Variants in R3HCC1L observed in about 807,000 individuals in gnomAD.
The protein encoded by R3HCC1L is coiled-coil domain-containing protein R3HCC1L.
A neutral mutation model predicts 59.9 loss-of-function variants in R3HCC1L; 51 were observed. The observed-to-expected ratio is 0.85, with a 90% confidence interval of 0.68 to 1.07. The LOEUF (loss-of-function observed/expected upper bound fraction) is 1.07, where lower values mean the gene tolerates loss of function less well. Ranked by LOEUF, R3HCC1L falls within the 50% of genes least tolerant of loss-of-function variation. The probability of loss-of-function intolerance (pLI) is 0.00; values close to 1 mark genes in which losing one functional copy is unlikely to be tolerated. For synonymous variants in R3HCC1L, 322 were observed against 315.2 expected (o/e 1.02, Z -0.23); for missense variants, 965 against 933.0 (o/e 1.03, Z -0.45).
At chr10:98,214,680 A>T (rs1372158492) in intron 5 of R3HCC1L, among the ~76,000 whole-genome samples, 1 of 152,172 alleles carries the variant, frequency 6.6e-6, no homozygotes, top group Non-Finnish European at 1.5e-5. Context: ...TGTTTAATTA[A>T]AAGTACCCAT....
At chr10:98,200,071 T>C (rs1851874539) in intron 4 of R3HCC1L, among the ~76,000 whole-genome samples, 2 of 152,058 alleles carry the variant, frequency 1.3e-5, no homozygotes. Flanking sequence ...CCTTCTTTAG[T>C]TGTTGAGTGA....
intron 2 of R3HCC1L, among the ~76,000 whole-genome samples, chr10:98,162,358 C>T (rs1256655896): frequency 6.6e-6 from 1 of 152,136 alleles, no homozygotes; most frequent in Non-Finnish European, 1.5e-5. Context: ...ATAAAAGTTT[C>T]TGAAACATAT....
At chr10:98,243,611 T>G (rs750406072) in intron 9 of R3HCC1L, among the ~76,000 whole-genome samples, 18 of 152,344 alleles carry the variant, frequency 1.2e-4, no homozygotes, top group Non-Finnish European at 2.2e-4. Flanking sequence ...AAATATTTTT[T>G]CAATAAAGTT....
intron 4 of R3HCC1L, among the ~76,000 whole-genome samples, chr10:98,181,286 A>T (rs983246426): frequency 6.6e-6 from 1 of 151,944 alleles, no homozygotes; most frequent in East Asian, 1.9e-4. Flanking sequence ...TCCTTCACTT[A>T]TGAAGCTGGA....
chr10:98,182,465 T>G (rs1849736107), intron 4 of R3HCC1L, among the ~76,000 whole-genome samples: 1 of 152,048 alleles, frequency 6.6e-6, no homozygotes, highest in Non-Finnish European at 1.5e-5. Context: ...TCCTGGGAGG[T>G]GTCTCCCAGT....
chr10:98,231,628 T>G lies in R3HCC1L; in HGVS notation c.1902T>G (p.Ile634Met), dbSNP rs1856401286. 5 of 1,612,766 alleles carry G rather than the reference T, an allele frequency of 3.1e-6. No individual in the cohort carries two copies. The highest frequency in any genetic ancestry group is 2.2e-5 in the East Asian group (1 of 44,838). The change falls in exon 6 of 10, where the codon ATT (isoleucine) becomes ATG (methionine). Residue 634 changes from isoleucine to methionine, a missense_variant. Coordinates refer to ENST00000298999, the MANE Select transcript of R3HCC1L (RefSeq NM_001351015.2). ...GTGAATTCCCACATGTCATTGAAAT[T>G]TATGACTTTCCCCAAGAATTTCATA... is the stretch of plus-strand genomic sequence containing the variant. ...SDCEFPHVIE[I>M]YDFPQEFHTE...
intron 1 of R3HCC1L, among the ~76,000 whole-genome samples, chr10:98,148,685 T>C (rs1158134960): frequency 6.6e-6 from 1 of 152,238 alleles, no homozygotes; most frequent in Non-Finnish European, 1.5e-5. Context: ...ATGTGTCATG[T>C]TTATTGATTT....
At chr10:98,187,568 G>C (rs1361260915) in intron 4 of R3HCC1L, among the ~76,000 whole-genome samples, 1 of 151,930 alleles carries the variant, frequency 6.6e-6, no homozygotes, top group Admixed American at 6.6e-5. Context: ...TTTTGGATGG[G>C]GAGCTTAAGT....
At chr10:98,235,613 T>G in intron 8 of R3HCC1L, 93 bp downstream of exon 8, 5 of 914,000 alleles carry the variant, frequency 5.5e-6, no homozygotes, top group Non-Finnish European at 8.2e-6. Context: ...TAAAGACATA[T>G]CACTTTTATT....
chr10:98,177,256 C>T (rs545657682), intron 4 of R3HCC1L, among the ~76,000 whole-genome samples: 1 of 152,222 alleles, frequency 6.6e-6, no homozygotes, highest in Admixed American at 6.5e-5. Flanking sequence ...GTTCAATTCC[C>T]ACCTATGAGT....
chr10:98,167,116 A>G (rs758471402), intron 4 of R3HCC1L, among the ~76,000 whole-genome samples: 10 of 151,368 alleles, frequency 6.6e-5, no homozygotes, highest in Admixed American at 4.0e-4. Context: ...TAAGAATACT[A>G]GATAAGAATT....
chr10:98,187,943 A>G (rs764342850), intron 4 of R3HCC1L, among the ~76,000 whole-genome samples: 63 of 151,850 alleles, frequency 4.1e-4, no homozygotes, highest in Non-Finnish European at 7.1e-4. Context: ...GAGTCTCGCT[A>G]TGTTGCCTAG....
At chr10:98,179,428 G>A (rs532881030) in intron 4 of R3HCC1L, among the ~76,000 whole-genome samples, 34 of 152,206 alleles carry the variant, frequency 2.2e-4, no homozygotes, top group Admixed American at 2.2e-3. Context: ...TGGTCTTGGT[G>A]GATAAGCTTT....
intron 4 of R3HCC1L, among the ~76,000 whole-genome samples, chr10:98,181,687 C>T (rs1849638789): frequency 6.6e-6 from 1 of 152,142 alleles, no homozygotes; most frequent in Admixed American, 6.5e-5. Flanking sequence ...TCACATAGTC[C>T]CATATTTCCT....
Position 98,209,673 on chromosome 10 carries a change from A to G in R3HCC1L, c.1559A>G (p.His520Arg), listed in dbSNP as rs1315603271. The G allele has an allele frequency of 6.2e-7, 1 of 1,613,922 alleles. No individual in the cohort carries two copies. The highest frequency in any genetic ancestry group is 1.1e-5 in the South Asian group (1 of 91,074). The change falls in exon 5 of 10, where the codon CAC (histidine) becomes CGC (arginine). Residue 520 changes from histidine to arginine, a missense_variant. Transcript: ENST00000298999. The part of the protein sequence containing the change: ...GSTGDTTEAL[H>R]ELRTAEEFKT... ...ACTGGTGATACAACAGAAGCATTGC[A>G]CGAACTAAGAACTGCCGAAGAGTTC...
chr10:98,228,256 CTT>C (rs1256504641), intron 5 of R3HCC1L, among the ~76,000 whole-genome samples: 1 of 152,180 alleles, frequency 6.6e-6, no homozygotes, highest in Non-Finnish European at 1.5e-5. Context: ...CGTTTCCTGA[CTT>C]TTTAATGATT....
In R3HCC1L at chr10:98,168,362, G is replaced by A. The variant is rs564296349; in HGVS notation, c.-15+4965G>A. ...TGGAGTGTGAAAAAGACTAAGCTGCGGACTGTTTCCCAGCCTATAAAGCGT... is the reference window on the plus strand; with the variant it reads ...TGGAGTGTGAAAAAGACTAAGCTGCAGACTGTTTCCCAGCCTATAAAGCGT... On this transcript the variant is annotated intron_variant, in intron 4 of 9. Transcript: ENST00000298999. 1.2e-3 allele frequency among the ~76,000 whole-genome samples: 186 copies of A among 152,228 alleles called. 1 individual carries two copies. The highest frequency in any genetic ancestry group is 2.5e-3 in the South Asian group (12 of 4,822).
At chr10:98,234,404 AAATTT>A (rs1184083110) in intron 6 of R3HCC1L, 37 bp from the exon 7 acceptor site, 3 of 1,553,620 alleles carry the variant, frequency 1.9e-6, no homozygotes, top group East Asian at 2.3e-5. Flanking sequence ...TCATAAAAGT[AAATTT>A]TATTTTAGGA....
chr10:98,194,309 A>C (rs1247130236), intron 4 of R3HCC1L, among the ~76,000 whole-genome samples: 1 of 152,180 alleles, frequency 6.6e-6, no homozygotes, highest in Non-Finnish European at 1.5e-5. Flanking sequence ...CATATACAAA[A>C]TTTAATTAAA....
Sources: gnomAD v4.1 joint callset for allele counts (sites outside exome capture counted in the v4.1 genomes callset) on GRCh38, gnomAD v4.1.1 for gene constraint, MANE v1.5 for transcripts, NCBI Gene and HGNC (gene_info 2026-07-23, HGNC 2026-07-21) for gene names.